The following CGREF1 variants were observed in gnomAD, a reference collection of about 807,000 sequenced individuals.
CGREF1 encodes the protein cell growth regulator with EF-hand domain 1.
CGREF1 carries 16 observed loss-of-function variants against 17.4 expected under a neutral mutation model. The ratio of observed to expected loss-of-function variants is 0.92; its 90% confidence interval spans 0.62 to 1.40. The LOEUF is 1.40. Among genes scored for constraint, CGREF1 ranks in the 40% most tolerant of loss-of-function variants. The probability of loss-of-function intolerance (pLI) is 0.00; values close to 1 mark genes in which losing one functional copy is unlikely to be tolerated. For synonymous variants in CGREF1, 142 were observed against 154.6 expected (o/e 0.92, Z 0.61); for missense variants, 296 against 376.4 (o/e 0.79, Z 1.77).
intron 1 of CGREF1, among the ~76,000 whole-genome samples, chr2:27,111,714 C>A (rs1671393127): frequency 6.6e-6 from 1 of 152,184 alleles, no homozygotes; most frequent in Admixed American, 6.5e-5. Context: ...GGCCCAGGTG[C>A]TAAGCCCCTC....
At position 27,100,607 on chromosome 2, in the gene CGREF1, G is replaced by A; in HGVS notation, c.*667C>T. 4 of 1,217,376 alleles carry A rather than the reference G, an allele frequency of 3.3e-6. No individual in the cohort carries two copies. The highest frequency in any genetic ancestry group is 4.3e-6 in the Non-Finnish European group (4 of 928,024). The allele number at this position is 1,217,376 out of a possible 1,614,324, so 75.4% of individuals were successfully genotyped here. ...GTGAGACAGACCTGGATTAAAATCT[G>A]CCATTTAATTAGCTGCATATCACCT... On this transcript the variant is annotated 3_prime_UTR_variant, in exon 6 of 6. Coordinates refer to ENST00000402394, the MANE Select transcript of CGREF1 (RefSeq NM_006569.6).
chr2:27,105,470 C>T (rs1671082540), intron 1 of CGREF1, among the ~76,000 whole-genome samples: 1 of 152,186 alleles, frequency 6.6e-6, no homozygotes, highest in Non-Finnish European at 1.5e-5. Flanking sequence ...TTAAAGCTAC[C>T]TTAAGGGAAA....
downstream of CGREF1, chr2:27,099,750 A>T: frequency 6.2e-7 from 1 of 1,613,890 alleles, no homozygotes. Flanking sequence ...GCATCGTGTG[A>T]GAGCAGGTGC....
downstream of CGREF1, chr2:27,100,495 G>A: frequency 1.5e-6 from 2 of 1,291,010 alleles, no homozygotes; most frequent in Non-Finnish European, 2.0e-6. Context: ...GTCCGATCTG[G>A]AACACATATT....
intron 1 of CGREF1, among the ~76,000 whole-genome samples, chr2:27,107,069 G>C (rs1383869701): frequency 6.6e-6 from 1 of 152,158 alleles, no homozygotes; most frequent in Non-Finnish European, 1.5e-5. Flanking sequence ...CTCTAATCCA[G>C]GCCTCAAAGA....
intron 1 of CGREF1, among the ~76,000 whole-genome samples, chr2:27,108,660 A>G (rs144855910): frequency 6.7e-6 from 1 of 149,326 alleles, no homozygotes; most frequent in East Asian, 2.0e-4. Flanking sequence ...ATCATCTCAT[A>G]GGAAAAGTAA....
chr2:27,113,003 G>A (rs766086150), intron 1 of CGREF1, among the ~76,000 whole-genome samples: 20 of 152,174 alleles, frequency 1.3e-4, no homozygotes, highest in Non-Finnish European at 1.8e-4. Context: ...TCCAGGAGCC[G>A]CAGAGATGAG....
At chr2:27,106,737 C>G (rs1445532147) in intron 1 of CGREF1, among the ~76,000 whole-genome samples, 1 of 152,222 alleles carries the variant, frequency 6.6e-6, no homozygotes, top group Non-Finnish European at 1.5e-5. Flanking sequence ...CTGCCTCAGC[C>G]TCCTGAGTAT....
In CGREF1 at chr2:27,101,254, G is replaced by T. The variant is rs761927756; in HGVS notation, c.*20C>A. On this transcript the variant is annotated 3_prime_UTR_variant, in exon 6 of 6. Transcript: ENST00000402394. ...ATGTTCTGGCACTGAGACTTCGTGGGGTACCTGTATCTTCAAGATCTAGAT... is the reference window on the plus strand; with the variant it reads ...ATGTTCTGGCACTGAGACTTCGTGGTGTACCTGTATCTTCAAGATCTAGAT... 1.3e-6 allele frequency: 2 copies of T among 1,526,872 alleles called. No homozygotes were observed. The highest frequency in any genetic ancestry group is 2.6e-5 in the South Asian group (2 of 76,606). 94.6% of individuals were successfully genotyped at this position (1,526,872 alleles called of 1,614,324 possible).
downstream of CGREF1, chr2:27,099,744 C>A (rs745505014): frequency 3.1e-6 from 5 of 1,614,004 alleles, no homozygotes; most frequent in South Asian, 5.5e-5. Flanking sequence ...TTGATGGCAT[C>A]GTGTGAGAGC....
At chr2:27,114,176 G>T (rs1361149310) in intron 1 of CGREF1, among the ~76,000 whole-genome samples, 1 of 151,872 alleles carries the variant, frequency 6.6e-6, no homozygotes, top group African/African-American at 2.4e-5. Context: ...TGTATTTTTA[G>T]TAGAGACGGG....
intron 2 of CGREF1, 69 bp from the exon 3 acceptor site, chr2:27,102,660 C>T (rs1670947801): frequency 4.7e-6 from 7 of 1,482,904 alleles, no homozygotes; most frequent in Non-Finnish European, 6.4e-6. Context: ...CAACCTTCTG[C>T]CTCCAATCTC....
In CGREF1 at chr2:27,101,767, G is replaced by A. The variant is rs1383141625; in HGVS notation, c.464C>T (p.Pro155Leu). 1 of 1,614,110 alleles carries A rather than the reference G, an allele frequency of 6.2e-7. No homozygotes were observed. ...VALRHVEPGE[P>L]LAPSPQEPQA... ...TGGCTCCTGAGGAGATGGAGCAAGG[G>A]GCTCTCCGGGCTCCACGTGCCTGAG... Residue 155 changes from proline (P) to leucine (L), a missense_variant, in exon 6 of 6, where the codon CCC becomes CTC. Around this residue, in one of 3 missense-constraint regions of CGREF1, gnomAD observed 247 missense variants for 267.2 expected, o/e 0.92. Transcript: ENST00000402394.
intron 1 of CGREF1, among the ~76,000 whole-genome samples, chr2:27,113,669 C>T (rs893490819): frequency 1.3e-5 from 2 of 152,178 alleles, no homozygotes; most frequent in African/African-American, 2.4e-5. Flanking sequence ...TTCTGTGCTT[C>T]AGGTTCTCCA....
intron 1 of CGREF1, 86 bp from the exon 2 acceptor site, chr2:27,104,463 T>A: frequency 6.4e-7 from 1 of 1,562,318 alleles, no homozygotes. Context: ...ACAAGCGCAT[T>A]TTCTGCCTGC....
At chr2:27,104,925 G>A (rs143601058) in intron 1 of CGREF1, among the ~76,000 whole-genome samples, 155 of 152,340 alleles carry the variant, frequency 1.0e-3, no homozygotes, top group African/African-American at 3.7e-3. Context: ...AGTACAAACT[G>A]CAAACACAAT....
intron 2 of CGREF1, chr2:27,102,971 T>G (rs1670965032): frequency 3.0e-6 from 3 of 985,424 alleles, no homozygotes; most frequent in Middle Eastern, 1.0e-3. Context: ...GGGACAGGTC[T>G]CTGGCTGAGC....
At chr2:27,099,406 G>C (rs1362455889), downstream of CGREF1, 1 of 1,612,970 alleles carries the variant, frequency 6.2e-7, no homozygotes, top group South Asian at 1.1e-5. Flanking sequence ...CAGCTGAGTG[G>C]AGCCGTCTTG....
intron 1 of CGREF1, among the ~76,000 whole-genome samples, chr2:27,109,756 A>AT (rs1671277824): frequency 1.3e-5 from 2 of 151,876 alleles, no homozygotes; most frequent in South Asian, 4.1e-4. Context: ...AAGGTGGTGC[A>AT]TGCCTGTAAT....
Sources: gnomAD v4.1 joint callset for allele counts (sites outside exome capture counted in the v4.1 genomes callset) on GRCh38, gnomAD v4.1.1 for gene constraint, gnomAD v4.1.1 regional missense constraint, MANE v1.5 for transcripts, NCBI Gene and HGNC (gene_info 2026-07-23, HGNC 2026-07-21) for gene names.